FUT8: variants seen among roughly 807,000 people sequenced by gnomAD.
FUT8 encodes fucosyltransferase 8.
FUT8 carries 29 observed loss-of-function variants against 71.3 expected under a neutral mutation model. That is an observed-to-expected ratio of 0.41 (90% CI 0.30 to 0.55). The LOEUF (loss-of-function observed/expected upper bound fraction) is 0.55, where lower values mean the gene tolerates loss of function less well. Ranked by LOEUF, FUT8 falls within the 20% of genes least tolerant of loss-of-function variation. The probability of loss-of-function intolerance (pLI) is 0.34; values close to 1 mark genes in which losing one functional copy is unlikely to be tolerated. For synonymous variants in FUT8, 254 were observed against 239.3 expected (o/e 1.06, Z -0.57); for missense variants, 544 against 702.1 (o/e 0.77, Z 2.55).
intron 2 of FUT8, among the ~76,000 whole-genome samples, chr14:65,495,694 AAC>A (rs1233816828): frequency 1.3e-5 from 2 of 152,196 alleles, no homozygotes; most frequent in African/African-American, 2.4e-5. Flanking sequence ...AGCAGAATAA[AAC>A]ACACTTATCA....
At chr14:65,584,783 T>A (rs925675102) in intron 3 of FUT8, among the ~76,000 whole-genome samples, 1 of 152,246 alleles carries the variant, frequency 6.6e-6, no homozygotes, top group African/African-American at 2.4e-5. Context: ...TAGGTTCTTC[T>A]TTGTCATCTT....
At chr14:65,466,910 A>G (rs1025343577) in intron 2 of FUT8, among the ~76,000 whole-genome samples, 4 of 148,268 alleles carry the variant, frequency 2.7e-5, no homozygotes, top group African/African-American at 1.0e-4. Flanking sequence ...CCTTTTTCCC[A>G]TTCCTTATAA....
At chr14:65,434,352 A>C (rs2065522728) in intron 1 of FUT8, among the ~76,000 whole-genome samples, 1 of 152,204 alleles carries the variant, frequency 6.6e-6, no homozygotes, top group South Asian at 2.1e-4. Flanking sequence ...GCATGGCCTC[A>C]GACAGCTGAG....
At chr14:65,530,278 A>G (rs929884757) in intron 2 of FUT8, among the ~76,000 whole-genome samples, 16 of 152,194 alleles carry the variant, frequency 1.1e-4, no homozygotes, top group African/African-American at 3.6e-4. Context: ...AATCTCAGGC[A>G]ATTATAGGGC....
chr14:65,360,334 A>G, the FUT8 span, among the ~76,000 whole-genome samples: 2 of 152,370 alleles, frequency 1.3e-5, no homozygotes, highest in Non-Finnish European at 2.9e-5. Flanking sequence ...GACTCACAGC[A>G]GGTGTTTCTG....
At position 65,743,849 on chromosome 14, in the gene FUT8, G is replaced by A. The variant is rs953160825; in HGVS notation, c.*1439G>A. On this transcript the variant is annotated 3_prime_UTR_variant, in exon 11 of 11. Transcript: ENST00000673929. ...CCTGCCTCCTACAGAGGCCTGGTAGGTGTTACTGCATTCTAAAAGAAAAAT... is the reference window on the plus strand; with the variant it reads ...CCTGCCTCCTACAGAGGCCTGGTAGATGTTACTGCATTCTAAAAGAAAAAT... The A allele has an allele frequency of 6.6e-6, 1 of 151,818 alleles. No individual in the cohort carries two copies. Among genetic ancestry groups the A allele is most frequent in the Non-Finnish European group, 1.5e-5 (1 of 67,846 alleles). The allele number at this position is 151,818 out of a possible 1,614,324, so 9.4% of individuals were successfully genotyped here.
the FUT8 span, among the ~76,000 whole-genome samples, chr14:65,394,018 G>A: frequency 9.2e-5 from 14 of 152,252 alleles, no homozygotes; most frequent in South Asian, 2.1e-4. Flanking sequence ...GTGCAATGGC[G>A]CAATCTTGGA....
At chr14:65,427,428 C>T (rs1298655410) in intron 1 of FUT8, among the ~76,000 whole-genome samples, 4 of 152,148 alleles carry the variant, frequency 2.6e-5, no homozygotes, top group Non-Finnish European at 5.9e-5. Context: ...ACAAGATTCC[C>T]TTTTCTCCAC....
At chr14:65,654,591 CA>C (rs35652243) in intron 6 of FUT8, among the ~76,000 whole-genome samples, 127,661 of 144,060 alleles carry the variant, frequency 0.89, 56,376 homozygotes, top group East Asian at 1. Flanking sequence ...ATTCTGTCTC[CA>C]AAAAAAAAAA....
intron 7 of FUT8, among the ~76,000 whole-genome samples, chr14:65,693,524 A>T (rs1893824164): frequency 6.6e-6 from 1 of 152,046 alleles, no homozygotes; most frequent in African/African-American, 2.4e-5. Context: ...GGAGAGGGAG[A>T]CCGTGGGGAG....
At chr14:65,403,330 T>C in the FUT8 span, among the ~76,000 whole-genome samples, 3 of 152,216 alleles carry the variant, frequency 2.0e-5, no homozygotes, top group Non-Finnish European at 2.9e-5. Context: ...CAGCTATTAA[T>C]TGGTGAGCAA....
chr14:65,657,746 TAAGA>T (rs1398472824), intron 6 of FUT8, among the ~76,000 whole-genome samples: 1 of 151,690 alleles, frequency 6.6e-6, no homozygotes, highest in Non-Finnish European at 1.5e-5. Context: ...AAAGAAAGAA[TAAGA>T]AAGAAAGAAT....
At chr14:65,608,924 G>GT (rs1305557058) in intron 3 of FUT8, among the ~76,000 whole-genome samples, 1 of 151,692 alleles carries the variant, frequency 6.6e-6, no homozygotes, top group Non-Finnish European at 1.5e-5. Flanking sequence ...TGCTTATGAG[G>GT]TTTTTTCTTT....
At chr14:65,635,887 G>T (rs906422207) in intron 6 of FUT8, among the ~76,000 whole-genome samples, 1 of 152,014 alleles carries the variant, frequency 6.6e-6, no homozygotes, top group Non-Finnish European at 1.5e-5. Flanking sequence ...TCTCTGTCTT[G>T]TGGACTAGTA....
chr14:65,414,745 T>A (rs1418691023), intron 1 of FUT8, among the ~76,000 whole-genome samples: 3 of 152,212 alleles, frequency 2.0e-5, no homozygotes, highest in Non-Finnish European at 4.4e-5. Context: ...AAATTGAGAA[T>A]TCTATTTGAA....
In FUT8 at chr14:65,603,293, T is replaced by C. The variant is rs565625473; in HGVS notation, c.204-12685T>C. 1.3e-5 allele frequency among the ~76,000 whole-genome samples: 2 copies of C among 151,800 alleles called. No individual in the cohort carries two copies. The highest frequency in any genetic ancestry group is 2.9e-5 in the Non-Finnish European group (2 of 67,892). On this transcript the variant is annotated intron_variant, in intron 3 of 10. Transcript: ENST00000673929. The surrounding 1 kb of genome is among the most constrained non-coding windows in gnomAD (Gnocchi z 4.5). The stretch of plus-strand genomic sequence containing the variant: ...CGAAGATCAGTTGGCTGTAAGTATT[T>C]GGGTTTTTTTCTGGGTTCTCTATTC...
intron 3 of FUT8, among the ~76,000 whole-genome samples, chr14:65,591,898 T>C (rs972008450): frequency 1.3e-5 from 2 of 151,692 alleles, no homozygotes; most frequent in Non-Finnish European, 2.9e-5. Flanking sequence ...ACTTTACTTA[T>C]GTGATTAACA....
chr14:65,684,609 C>A (rs558667412), intron 7 of FUT8, among the ~76,000 whole-genome samples: 1 of 152,282 alleles, frequency 6.6e-6, no homozygotes, highest in Non-Finnish European at 1.5e-5. Context: ...CCACCCAAAC[C>A]TCATCTTGAA....
intron 6 of FUT8, among the ~76,000 whole-genome samples, chr14:65,668,895 T>C (rs2140370663): frequency 6.6e-6 from 1 of 152,240 alleles, no homozygotes; most frequent in South Asian, 2.1e-4. Context: ...TGGATGGAGC[T>C]GGAGGCCATT....
Sources: allele counts gnomAD v4.1 joint callset (sites outside exome capture counted in the v4.1 genomes callset), GRCh38; gene constraint gnomAD v4.1.1; non-coding constraint Gnocchi (gnomAD v3.1); transcripts MANE v1.5; gene names NCBI Gene and HGNC (gene_info 2026-07-23, HGNC 2026-07-21).